Variants in FHIT observed in about 807,000 individuals in gnomAD.
The protein encoded by FHIT is fragile histidine triad diadenosine triphosphatase, also known as bis(5'-adenosyl)-triphosphatase.
FHIT carries 19 observed loss-of-function variants against 17.9 expected under a neutral mutation model. The observed-to-expected ratio is 1.06, with a 90% CI of 0.74 to 1.56. The LOEUF is 1.56. Ranked by LOEUF, FHIT falls within the 40% of genes most tolerant of loss-of-function variation. FHIT has a pLI of 0.00. For missense variants in FHIT, 248 were observed against 189.2 expected, an observed-to-expected ratio of 1.31 and a Z score of -1.82; for synonymous variants, 81 against 69.7, an observed-to-expected ratio of 1.16 and a Z score of -0.81.
intron 4 of FHIT, among the ~76,000 whole-genome samples, chr3:60,599,712 C>T (rs2038382667): frequency 6.6e-6 from 1 of 151,070 alleles, no homozygotes; most frequent in Admixed American, 6.6e-5. Flanking sequence ...TGCAATACTA[C>T]CAGAAGTCCT....
At chr3:60,029,059 A>G (rs1384481389) in intron 5 of FHIT, among the ~76,000 whole-genome samples, 1 of 152,230 alleles carries the variant, frequency 6.6e-6, no homozygotes, top group African/African-American at 2.4e-5. Context: ...AAAGAAATAA[A>G]GCACTTCAAT....
At chr3:59,997,577 T>C (rs1699565558) in intron 7 of FHIT, among the ~76,000 whole-genome samples, 1 of 152,144 alleles carries the variant, frequency 6.6e-6, no homozygotes, top group Non-Finnish European at 1.5e-5. Flanking sequence ...AAGATGATTG[T>C]CCTAAAATAC....
chr3:60,273,754 C>T (rs1212788740), intron 5 of FHIT, among the ~76,000 whole-genome samples: 2 of 152,134 alleles, frequency 1.3e-5, no homozygotes, highest in African/African-American at 2.4e-5. Context: ...AACTTCTAAG[C>T]TTGTTTCTTT....
At chr3:61,210,238 G>A (rs941824507) in intron 1 of FHIT, among the ~76,000 whole-genome samples, 1 of 152,156 alleles carries the variant, frequency 6.6e-6, no homozygotes, top group Non-Finnish European at 1.5e-5. Context: ...CTCCCAGTTA[G>A]GCTACTCGGG....
rs539695006 is a variant in FHIT, at chr3:60,367,421, C to A, written c.103+169439G>T. Among the ~76,000 whole-genome samples, 3 of 152,162 alleles carry A rather than the reference C, an allele frequency of 2.0e-5. No homozygotes were observed. The East Asian group carries it at 5.8e-4, about 29-fold the overall frequency. ...TAGAGAATGCACTGTTTTTATTAAA[C>A]GGGAGTTTTTGCTAATTTTGCTCCT... is the stretch of plus-strand genomic sequence containing the variant. On this transcript the variant is annotated intron_variant, in intron 5 of 9. Transcript: ENST00000492590.
chr3:60,374,548 C>G (rs1700465238), intron 5 of FHIT, among the ~76,000 whole-genome samples: 1 of 150,370 alleles, frequency 6.7e-6, no homozygotes, highest in African/African-American at 2.5e-5. Flanking sequence ...ATCTTCCACC[C>G]CAGATTTTTT....
At chr3:60,321,371 T>C (rs1039870053) in intron 5 of FHIT, among the ~76,000 whole-genome samples, 2 of 152,210 alleles carry the variant, frequency 1.3e-5, no homozygotes, top group Admixed American at 1.3e-4. Flanking sequence ...AGCTACTCAG[T>C]AGGCTGAGAC....
chr3:60,624,965 A>G (rs1169936944), intron 4 of FHIT, among the ~76,000 whole-genome samples: 1 of 152,020 alleles, frequency 6.6e-6, no homozygotes, highest in African/African-American at 2.4e-5. Context: ...CTGGAGTACA[A>G]TGGCACAATC....
intron 4 of FHIT, among the ~76,000 whole-genome samples, chr3:60,569,755 A>ATATATATATATATATATATAT: frequency 9.8e-4 from 76 of 77,312 alleles, no homozygotes; most frequent in African/African-American, 3.5e-3. Context: ...ATATATATAT[A>ATATATATATATATATATATAT]TTTTTTTTTT....
chr3:60,364,174 C>T (rs1700017926), intron 5 of FHIT, among the ~76,000 whole-genome samples: 1 of 152,198 alleles, frequency 6.6e-6, no homozygotes, highest in Admixed American at 6.5e-5. Flanking sequence ...CTAATAATGC[C>T]TTTGGTCTAG....
intron 5 of FHIT, among the ~76,000 whole-genome samples, chr3:60,313,253 C>T (rs1353459586): frequency 6.6e-6 from 1 of 152,220 alleles, no homozygotes; most frequent in African/African-American, 2.4e-5. Context: ...CTTTTATAAA[C>T]ACTCTACAAT....
intron 1 of FHIT, among the ~76,000 whole-genome samples, chr3:61,223,709 G>A (rs569545849): frequency 3.9e-5 from 6 of 152,296 alleles, no homozygotes; most frequent in Admixed American, 1.3e-4. Context: ...TCCCTGACTC[G>A]AGTGAGGGGC....
At chr3:60,156,147 T>A (rs1700679344) in intron 5 of FHIT, among the ~76,000 whole-genome samples, 1 of 146,828 alleles carries the variant, frequency 6.8e-6, no homozygotes, top group African/African-American at 2.5e-5. Flanking sequence ...ACGTCAGGAG[T>A]TGGAGACCAG....
intron 5 of FHIT, among the ~76,000 whole-genome samples, chr3:60,179,841 C>T (rs1251752656): frequency 6.6e-6 from 1 of 152,118 alleles, no homozygotes; most frequent in South Asian, 2.1e-4. Context: ...GGGTTCTCTT[C>T]GTTCTGCATG....
chr3:60,927,539 G>A (rs1202545499), intron 3 of FHIT, among the ~76,000 whole-genome samples: 1 of 152,054 alleles, frequency 6.6e-6, no homozygotes, highest in Non-Finnish European at 1.5e-5. Context: ...AGGAAGTGAG[G>A]AGCGTCTCTG....
chr3:59,823,431 A>G (rs1297160732), intron 8 of FHIT, among the ~76,000 whole-genome samples: 1 of 152,124 alleles, frequency 6.6e-6, no homozygotes, highest in Non-Finnish European at 1.5e-5. Flanking sequence ...CCTGAAGAAC[A>G]CAGATGCAAA....
chr3:59,880,172 C>G (rs569932580), intron 8 of FHIT, among the ~76,000 whole-genome samples: 2 of 152,292 alleles, frequency 1.3e-5, no homozygotes, highest in African/African-American at 4.8e-5. Context: ...CAGTTGGTCT[C>G]CTGCCTGTCC....
chr3:59,821,758 A>ATTTT (rs1559635789), intron 8 of FHIT, among the ~76,000 whole-genome samples: 9 of 149,254 alleles, frequency 6.0e-5, no homozygotes, highest in South Asian at 4.2e-4. Context: ...TTTTTTTTAA[A>ATTTT]AAAAATATAT....
intron 5 of FHIT, among the ~76,000 whole-genome samples, chr3:60,041,584 G>A (rs1021893688): frequency 1.3e-5 from 2 of 152,120 alleles, no homozygotes; most frequent in South Asian, 2.1e-4. Flanking sequence ...TATTAATGGC[G>A]GCATCTCAAT....
Sources: gnomAD v4.1 joint callset for allele counts (sites outside exome capture counted in the v4.1 genomes callset) on GRCh38, gnomAD v4.1.1 for gene constraint, MANE v1.5 for transcripts, NCBI Gene and HGNC (gene_info 2026-07-23, HGNC 2026-07-21) for gene names.